The following SLC6A15 variants were observed in gnomAD, a reference collection of about 807,000 sequenced individuals.
SLC6A15 encodes sodium-dependent neutral amino acid transporter B(0)AT2.
In SLC6A15, 33 loss-of-function variants were observed where a neutral mutation model predicts 68.5. The ratio of observed to expected loss-of-function variants is 0.48; its 90% CI spans 0.37 to 0.64. The LOEUF is 0.64. Among genes scored for constraint, SLC6A15 ranks in the 30% least tolerant of loss-of-function variants. The pLI, the probability that SLC6A15 is intolerant of heterozygous loss-of-function variation, is 0.00. For missense variants in SLC6A15, 747 were observed against 874.3 expected (o/e 0.85, Z 1.84); for synonymous variants, 347 against 301.0 (o/e 1.15, Z -1.58).
chr12:84,897,180 C>T (rs182247516), intron 1 of SLC6A15, among the ~76,000 whole-genome samples: 30 of 151,654 alleles, frequency 2.0e-4, no homozygotes, highest in Admixed American at 1.4e-3. Context: ...GCCTGAGTGA[C>T]GGAGCAAGAC....
chr12:84,893,003 T>C (rs1872484201), intron 1 of SLC6A15, among the ~76,000 whole-genome samples: 1 of 152,158 alleles, frequency 6.6e-6, no homozygotes, highest in Non-Finnish European at 1.5e-5. Context: ...CTATGTTGCC[T>C]AGGCAGATCT....
chr12:84,886,046 T>C lies in SLC6A15; in HGVS notation c.312A>G (p.Leu104=), dbSNP rs531658021. 1.2e-6 allele frequency: 2 copies of C among 1,600,232 alleles called. No homozygotes were observed. The highest frequency in any genetic ancestry group is 1.3e-5 in the African/African-American group (1 of 74,446). The change falls in exon 3 of 12, where the codon TTA becomes TTG. Residue 104 remains leucine, a synonymous_variant. Coordinates refer to ENST00000266682, the MANE Select transcript of SLC6A15 (RefSeq NM_182767.6). ...NGGGAYLLPY[L]ILLMVIGIPL... ...GAATACCTATTACCATAAGTAGTAT[T>C]AAATATGGTAAAAGATATGCACCTA...
At chr12:84,878,224 T>C (rs1300228112) in intron 5 of SLC6A15, among the ~76,000 whole-genome samples, 1 of 152,212 alleles carries the variant, frequency 6.6e-6, no homozygotes, top group Non-Finnish European at 1.5e-5. Flanking sequence ...TTTAACTTAA[T>C]TGGTTGTAAT....
At chr12:84,881,653 T>C in intron 5 of SLC6A15, 3 of 981,968 alleles carry the variant, frequency 3.1e-6, no homozygotes, top group Non-Finnish European at 3.6e-6. Flanking sequence ...CATCACCAGC[T>C]GACTCATTCT....
At chr12:84,870,736 G>T in intron 8 of SLC6A15, 66 bp from the exon 9 acceptor site, 1 of 959,016 alleles carries the variant, frequency 1.0e-6, no homozygotes, top group Non-Finnish European at 1.5e-6. Context: ...CTATATGTCA[G>T]TTACAATGAG....
intron 1 of SLC6A15, among the ~76,000 whole-genome samples, chr12:84,896,381 AAAG>A (rs982777396): frequency 1.3e-5 from 2 of 152,326 alleles, no homozygotes; most frequent in African/African-American, 4.8e-5. Context: ...TAAAAAAAAA[AAAG>A]ATTGTGTTGG....
rs75479182 is a variant in SLC6A15 at position 84,859,728 on chromosome 12, T to C, written c.*1904A>G. 6.6e-6 allele frequency: 1 copy of C among 151,968 alleles called. No homozygotes were observed. The highest frequency in any genetic ancestry group is 1.5e-5 in the Non-Finnish European group (1 of 67,920). The allele number at this position is 151,968 out of a possible 1,614,324, so 9.4% of individuals were successfully genotyped here. A position where few individuals can be genotyped will look rare whatever the true frequency, so the allele number is the denominator to read the frequency against. On this transcript the variant is annotated 3_prime_UTR_variant, in exon 12 of 12. Transcript: ENST00000266682. ...TGCCTCAACACAAAAATAAACAAAATTTTTATTAGTTCAGCCTCTGAAATA... is the reference window on the plus strand; with the variant it reads ...TGCCTCAACACAAAAATAAACAAAACTTTTATTAGTTCAGCCTCTGAAATA...
At chr12:84,869,230 C>T (rs1369112042) in intron 9 of SLC6A15, among the ~76,000 whole-genome samples, 2 of 151,992 alleles carry the variant, frequency 1.3e-5, no homozygotes, top group Non-Finnish European at 2.9e-5. Flanking sequence ...GAGGCCAAGG[C>T]GGGCGGATCA....
chr12:84,886,337 C>A (rs1872102202), intron 2 of SLC6A15, among the ~76,000 whole-genome samples: 1 of 151,826 alleles, frequency 6.6e-6, no homozygotes, highest in African/African-American at 2.4e-5. Flanking sequence ...AAGAGTAAAA[C>A]AGTTTCATTT....
At chr12:84,868,085 G>C (rs1291637312) in intron 9 of SLC6A15, among the ~76,000 whole-genome samples, 1 of 152,048 alleles carries the variant, frequency 6.6e-6, no homozygotes, top group Non-Finnish European at 1.5e-5. Context: ...AAGGAAAAAA[G>C]ACATCCACGG....
At chr12:84,871,299 A>G (rs1164839379) in intron 8 of SLC6A15, among the ~76,000 whole-genome samples, 3 of 150,042 alleles carry the variant, frequency 2.0e-5, no homozygotes, top group African/African-American at 4.9e-5. Context: ...TGATATTCCT[A>G]CCTCCCTGAT....
At chr12:84,863,397 T>A (rs767432980) in intron 11 of SLC6A15, 42 bp downstream of exon 11, 7 of 1,483,738 alleles carry the variant, frequency 4.7e-6, no homozygotes, top group Admixed American at 5.3e-5. Flanking sequence ...AAAAGCTTTT[T>A]ATATATCTTT....
At chr12:84,898,687 TTC>T (rs778020308) in intron 1 of SLC6A15, among the ~76,000 whole-genome samples, 3 of 152,194 alleles carry the variant, frequency 2.0e-5, no homozygotes, top group Non-Finnish European at 4.4e-5. Context: ...ACTCAATATA[TTC>T]TCTCTTTTAT....
chr12:84,895,023 T>A (rs990158645), intron 1 of SLC6A15, among the ~76,000 whole-genome samples: 10 of 152,088 alleles, frequency 6.6e-5, no homozygotes, highest in African/African-American at 2.4e-4. Flanking sequence ...TAATGAATCC[T>A]TAATGATATT....
At chr12:84,870,716 A>C (rs370523149) in intron 8 of SLC6A15, 46 bp from the exon 9 acceptor site, 1 of 1,232,536 alleles carries the variant, frequency 8.1e-7, no homozygotes, top group Non-Finnish European at 1.1e-6. Context: ...GTAATTATTA[A>C]ACAATGGCTC....
intron 1 of SLC6A15, among the ~76,000 whole-genome samples, chr12:84,908,609 T>TAC (rs1443719292): frequency 3.2e-4 from 37 of 114,744 alleles, no homozygotes; most frequent in African/African-American, 1.2e-3. Flanking sequence ...AACATATATA[T>TAC]ATATATATAT....
intron 5 of SLC6A15, 90 bp from the exon 6 acceptor site, chr12:84,876,697 G>A: frequency 1.8e-6 from 1 of 565,364 alleles, no homozygotes; most frequent in Non-Finnish European, 3.0e-6. Context: ...TACTTTGACA[G>A]TCACTGTTTC....
chr12:84,891,643 C>A (rs999520011), intron 2 of SLC6A15, among the ~76,000 whole-genome samples, 189 bp downstream of exon 2: 1 of 152,102 alleles, frequency 6.6e-6, no homozygotes, highest in African/African-American at 2.4e-5. Context: ...CACAGCAAGC[C>A]CATCTGCTCC....
chr12:84,902,982 T>C (rs888484943), intron 1 of SLC6A15, among the ~76,000 whole-genome samples: 19 of 152,050 alleles, frequency 1.2e-4, no homozygotes, highest in African/African-American at 4.6e-4. Context: ...GCTATAAACG[T>C]GGACATACTA....
Sources: gnomAD v4.1 joint callset for allele counts (sites outside exome capture counted in the v4.1 genomes callset) on GRCh38, gnomAD v4.1.1 for gene constraint, MANE v1.5 for transcripts, NCBI Gene and HGNC (gene_info 2026-07-23, HGNC 2026-07-21) for gene names.